Variants in ITGA4 observed in about 807,000 individuals in gnomAD.
ITGA4 encodes the protein integrin alpha-4.
ITGA4 carries 63 observed loss-of-function variants against 133.6 expected under a neutral mutation model. That is an observed-to-expected ratio of 0.47 (90% confidence interval 0.38 to 0.58). The LOEUF (loss-of-function observed/expected upper bound fraction) is 0.58. ITGA4 is among the 20% of genes least tolerant of loss of function. ITGA4 has a pLI of 0.00. For missense variants in ITGA4, 1,076 were observed against 1,252.7 expected (o/e 0.86, Z 2.13); for synonymous variants, 483 against 438.0 (o/e 1.10, Z -1.28).
Position 181,498,611 on chromosome 2 carries a change from A to C in ITGA4, c.1541-12A>C, listed in dbSNP as rs962861543. 2 of 1,560,100 alleles carry C rather than the reference A, an allele frequency of 1.3e-6. No homozygotes were observed. Reference sequence around the variant, plus strand: ...GTAATTAGATTAATTGCAATTCTCTATATTTTTGCAGTTTTGTTTTATAAC... The same window carrying C: ...GTAATTAGATTAATTGCAATTCTCTCTATTTTTGCAGTTTTGTTTTATAAC... On this transcript the variant is annotated splice_polypyrimidine_tract_variant and intron_variant, in intron 14 of 27. Transcript: ENST00000397033.
In ITGA4 at chr2:181,475,205, A is replaced by G. The variant is rs764251169; in HGVS notation, c.473A>G (p.Asn158Ser). 1.2e-6 allele frequency: 2 copies of G among 1,613,088 alleles called. No homozygotes were observed. The highest frequency in any genetic ancestry group is 2.2e-5 in the East Asian group (1 of 44,868). Residue 158 changes from asparagine (N) to serine (S), a missense_variant, in exon 4 of 28, where the codon AAT (asparagine) becomes AGT (serine). Physicochemically the swap from Asn to Ser is conservative, Grantham distance 46. Around this residue, in one of 4 missense-constraint regions of ITGA4, gnomAD observed 436 missense variants for 590.7 expected, o/e 0.74. Coordinates refer to ENST00000397033, the MANE Select transcript of ITGA4 (RefSeq NM_000885.6). ...AATATATTTTACATAAAGAATGAAAATAAGCTCCCCACTGGTGGTTGCTAT... is the reference window on the plus strand; with the variant it reads ...AATATATTTTACATAAAGAATGAAAGTAAGCTCCCCACTGGTGGTTGCTAT... ...WKNIFYIKNE[N>S]KLPTGGCYGV...
chr2:181,506,063 C>T (rs1686386110), intron 15 of ITGA4, among the ~76,000 whole-genome samples: 1 of 152,092 alleles, frequency 6.6e-6, no homozygotes, highest in Non-Finnish European at 1.5e-5. Flanking sequence ...ATATAAGAAT[C>T]TCTGTATAAG....
At chr2:181,529,690 T>C in intron 23 of ITGA4, 42 bp downstream of exon 23, 1 of 995,066 alleles carries the variant, frequency 1.0e-6, no homozygotes, top group Non-Finnish European at 1.6e-6. Flanking sequence ...TTGTGTGTCT[T>C]AAATACTAAA....
chr2:181,524,060 A>G lies in ITGA4; in HGVS notation c.2170-111A>G, dbSNP rs185596865. On this transcript the variant is annotated intron_variant, in intron 19 of 27. Coordinates refer to ENST00000397033, the MANE Select transcript of ITGA4 (RefSeq NM_000885.6). ...GGGAGGAGTAGCTGATGCCTTTACA[A>G]TGGTTCAATTCTACATTCCATAGAA... The G allele has an allele frequency of 8.2e-4, 564 of 688,124 alleles. 2 individuals are homozygous for G. Among genetic ancestry groups the G allele is most frequent in the South Asian group, 1.3e-3 (67 of 52,304 alleles). The allele number at this position is 688,124 out of a possible 1,614,324, so 42.6% of individuals were successfully genotyped here.
At chr2:181,505,687 G>A (rs1445146383) in intron 15 of ITGA4, among the ~76,000 whole-genome samples, 1 of 152,070 alleles carries the variant, frequency 6.6e-6, no homozygotes, top group East Asian at 1.9e-4. Flanking sequence ...TTTTGCAAGA[G>A]TGCATGTACA....
intron 25 of ITGA4, among the ~76,000 whole-genome samples, 156 bp downstream of exon 25, chr2:181,531,932 A>C (rs1286952413): frequency 3.9e-5 from 6 of 152,252 alleles, no homozygotes; most frequent in African/African-American, 9.6e-5. Context: ...TATCACTTCA[A>C]CTATCTACAT....
At chr2:181,533,052 A>G (rs1266319405) in intron 25 of ITGA4, among the ~76,000 whole-genome samples, 1 of 113,476 alleles carries the variant, frequency 8.8e-6, no homozygotes, top group Non-Finnish European at 1.9e-5. Flanking sequence ...CAACAAAAAC[A>G]TATTTAAATT....
Position 181,488,590 on chromosome 2 carries a change from G to A in ITGA4, c.1153+2598G>A, listed in dbSNP as rs1431604004. 4.0e-5 allele frequency among the ~76,000 whole-genome samples: 6 copies of A among 150,536 alleles called. No homozygotes were observed. The East Asian group carries it at 7.8e-4, about 20-fold the overall frequency. Reference sequence around the variant, plus strand: ...TATTTTTTTTTTGAGATGGAGTCTCGCTGTGTCACCCAGGCCAGAGTGCAG... The same window carrying A: ...TATTTTTTTTTTGAGATGGAGTCTCACTGTGTCACCCAGGCCAGAGTGCAG... On this transcript the variant is annotated intron_variant, in intron 10 of 27. Transcript: ENST00000397033.
At chr2:181,465,212 C>A (rs929098429) in intron 2 of ITGA4, among the ~76,000 whole-genome samples, 3 of 152,068 alleles carry the variant, frequency 2.0e-5, no homozygotes, top group Admixed American at 2.0e-4. Context: ...AGACTACAAT[C>A]ATTTTGTCTG....
chr2:181,459,560 T>C (rs1290978120), intron 2 of ITGA4, among the ~76,000 whole-genome samples: 2 of 152,220 alleles, frequency 1.3e-5, no homozygotes, highest in Non-Finnish European at 2.9e-5. Flanking sequence ...AGAGCACCTA[T>C]AAAAGTCTAC....
chr2:181,538,030 A>G lies in ITGA4; in HGVS notation c.*2503A>G, dbSNP rs1052169203. 1.4e-6 allele frequency: 1 copy of G among 695,514 alleles called. No homozygotes were observed. The highest frequency in any genetic ancestry group is 1.8e-5 in the African/African-American group (1 of 56,646). 43.1% of individuals were successfully genotyped at this position (695,514 alleles called of 1,614,324 possible). A position where few individuals can be genotyped will look rare whatever the true frequency, so the allele number is the denominator to read the frequency against. On this transcript the variant is annotated 3_prime_UTR_variant, in exon 28 of 28. Transcript: ENST00000397033. Reference sequence around the variant, plus strand: ...TCTAATGCCTGATGATCTGAGGTGGAACAGTTCATCCTGAAACCATTCCCC... The same window carrying G: ...TCTAATGCCTGATGATCTGAGGTGGGACAGTTCATCCTGAAACCATTCCCC...
At chr2:181,463,226 G>A (rs963081104) in intron 2 of ITGA4, among the ~76,000 whole-genome samples, 2 of 152,152 alleles carry the variant, frequency 1.3e-5, no homozygotes, top group Non-Finnish European at 2.9e-5. Flanking sequence ...ACTATGGAGT[G>A]TGAGCTAAAC....
intron 27 of ITGA4, 109 bp downstream of exon 27, chr2:181,535,044 C>G: frequency 8.0e-7 from 1 of 1,255,436 alleles, no homozygotes; most frequent in Non-Finnish European, 1.1e-6. Context: ...TGAATGTTAA[C>G]TTTTTATGTT....
At chr2:181,507,332 G>T (rs80022028) in intron 15 of ITGA4, among the ~76,000 whole-genome samples, 2,963 of 152,172 alleles carry the variant, frequency 0.019, 45 homozygotes, top group Non-Finnish European at 0.032. Context: ...TCATCGACAT[G>T]TCTTACTTTA....
At chr2:181,517,279 T>C (rs1686625309) in intron 17 of ITGA4, among the ~76,000 whole-genome samples, 1 of 152,090 alleles carries the variant, frequency 6.6e-6, no homozygotes, top group South Asian at 2.1e-4. Context: ...AAAAACAAGT[T>C]AGCTATCAAG....
chr2:181,533,623 C>T (rs1686991890), intron 25 of ITGA4, among the ~76,000 whole-genome samples: 1 of 152,116 alleles, frequency 6.6e-6, no homozygotes. Flanking sequence ...GGTGATAAAA[C>T]CCTCCCTGCT....
At position 181,534,256 on chromosome 2, in the gene ITGA4, T is replaced by A; in HGVS notation, c.2785-16T>A. The A allele has an allele frequency of 1.3e-6, 2 of 1,485,846 alleles. No individual in the cohort carries two copies. The highest frequency in any genetic ancestry group is 1.9e-6 in the Non-Finnish European group (2 of 1,064,042). 92.0% of individuals were successfully genotyped at this position (1,485,846 alleles called of 1,614,324 possible). On this transcript the variant is annotated splice_polypyrimidine_tract_variant and intron_variant, in intron 25 of 27. Coordinates refer to ENST00000397033, the MANE Select transcript of ITGA4 (RefSeq NM_000885.6). ...GAAATAAACCAGGCTATGGTGATCC[T>A]TCTTTTATTAAACAGGATGAGACTT...
intron 22 of ITGA4, 116 bp downstream of exon 22, chr2:181,527,503 G>T (rs1335149985): frequency 1.2e-5 from 8 of 670,796 alleles, no homozygotes; most frequent in Non-Finnish European, 1.9e-5. Flanking sequence ...GACCACAGCT[G>T]GCTGGAATGG....
Position 181,535,643 on chromosome 2 carries a change from T to C in ITGA4, c.*116T>C. ...GTTTGGACTTCTTTTACTCATGATC[T>C]TGTGACATATTATGTCTTCATGCAA... On this transcript the variant is annotated 3_prime_UTR_variant, in exon 28 of 28. Coordinates refer to ENST00000397033, the MANE Select transcript of ITGA4 (RefSeq NM_000885.6). 1 of 1,332,396 alleles carries C rather than the reference T, an allele frequency of 7.5e-7. No homozygotes were observed. The highest frequency in any genetic ancestry group is 1.7e-5 in the South Asian group (1 of 59,938). 82.5% of individuals were successfully genotyped at this position (1,332,396 alleles called of 1,614,324 possible).
Sources: gnomAD v4.1 joint callset for allele counts (sites outside exome capture counted in the v4.1 genomes callset) on GRCh38, gnomAD v4.1.1 for gene constraint, gnomAD v4.1.1 regional missense constraint, MANE v1.5 for transcripts, NCBI Gene and HGNC (gene_info 2026-07-23, HGNC 2026-07-21) for gene names.